FAM120B: variants seen among roughly 807,000 people sequenced by gnomAD.
FAM120B encodes constitutive coactivator of peroxisome proliferator-activated receptor gamma.
FAM120B carries 83 observed loss-of-function variants against 96.3 expected under a neutral mutation model. The observed-to-expected ratio is 0.86, with a 90% confidence interval of 0.72 to 1.03. The LOEUF (loss-of-function observed/expected upper bound fraction) is 1.03, where lower values mean the gene tolerates loss of function less well. FAM120B is among the 50% of genes least tolerant of loss of function. The pLI, the probability that FAM120B is intolerant of heterozygous loss-of-function variation, is 0.00. For missense variants in FAM120B, 1,027 were observed against 1,121.2 expected, an observed-to-expected ratio of 0.92 and a Z score of 1.20; for synonymous variants, 407 against 402.7, an observed-to-expected ratio of 1.01 and a Z score of -0.13.
chr6:170,401,580 A>G (rs942087309), intron 9 of FAM120B, among the ~76,000 whole-genome samples: 18 of 152,206 alleles, frequency 1.2e-4, no homozygotes, highest in African/African-American at 4.3e-4. Context: ...CACCGCCAGT[A>G]TCTCCAGGAG....
chr6:170,348,393 T>C, intron 5 of FAM120B, 70 bp downstream of exon 5: 1 of 1,406,548 alleles, frequency 7.1e-7, no homozygotes, highest in Non-Finnish European at 9.9e-7. Flanking sequence ...ATGTGGGATA[T>C]TGCCATGGCT....
upstream of FAM120B, among the ~76,000 whole-genome samples, chr6:170,302,063 C>T (rs762341997): frequency 1.3e-5 from 2 of 152,178 alleles, no homozygotes; most frequent in Non-Finnish European, 2.9e-5. Flanking sequence ...TACCAATTTG[C>T]TGTATTAGTC....
intron 1 of FAM120B, among the ~76,000 whole-genome samples, chr6:170,313,873 G>A (rs1016694556): frequency 1.3e-5 from 2 of 152,202 alleles, no homozygotes; most frequent in East Asian, 3.9e-4. Flanking sequence ...TGGTTGTCCC[G>A]CAGAGGCTGC....
chr6:170,330,842 C>T (rs141915121), intron 4 of FAM120B: 210 of 359,410 alleles, frequency 5.8e-4, no homozygotes, highest in African/African-American at 4.1e-3. Context: ...GAAGGATGGC[C>T]GTGGTCAGCG....
At chr6:170,333,820 A>G (rs945933634) in intron 4 of FAM120B, among the ~76,000 whole-genome samples, 17 of 152,200 alleles carry the variant, frequency 1.1e-4, no homozygotes, top group Non-Finnish European at 2.4e-4. Flanking sequence ...ATGTGGGAGC[A>G]TGTATATAGG....
At chr6:170,395,437 G>T in intron 8 of FAM120B, 50 bp from the exon 9 acceptor site, 2 of 1,402,130 alleles carry the variant, frequency 1.4e-6, no homozygotes, top group Non-Finnish European at 2.0e-6. Flanking sequence ...GTGTCATTTG[G>T]GTTAAGACAT....
Position 170,404,540 on chromosome 6 carries a change from T to C in FAM120B, c.2693-10T>C, listed in dbSNP as rs750997979. 1.9e-5 allele frequency: 30 copies of C among 1,613,282 alleles called. No homozygotes were observed. In the South Asian group the frequency reaches 3.0e-4, roughly 16 times the overall value. ...ATTCTTACTTTGGTTTTCATGTCTG[T>C]TTACTGCAGGAAGCAGACAGTATGA... On this transcript the variant is annotated splice_polypyrimidine_tract_variant and intron_variant, in intron 9 of 10. Transcript: ENST00000476287.
At chr6:170,383,036 C>T (rs1463948033) in intron 6 of FAM120B, among the ~76,000 whole-genome samples, 1 of 150,120 alleles carries the variant, frequency 6.7e-6, no homozygotes, top group Non-Finnish European at 1.5e-5. Context: ...AAAAGCAACT[C>T]ATTGGAGGAA....
At chr6:170,340,119 G>A (rs999459004) in intron 4 of FAM120B, among the ~76,000 whole-genome samples, 3 of 152,020 alleles carry the variant, frequency 2.0e-5, no homozygotes, top group Admixed American at 6.6e-5. Context: ...ATCTCTTTCC[G>A]GTACACCAGT....
At chr6:170,344,701 G>A (rs934689921) in intron 4 of FAM120B, among the ~76,000 whole-genome samples, 1 of 152,166 alleles carries the variant, frequency 6.6e-6, no homozygotes, top group Non-Finnish European at 1.5e-5. Context: ...TAATCGTTGC[G>A]TGGATCCATT....
intron 8 of FAM120B, among the ~76,000 whole-genome samples, chr6:170,393,302 G>A (rs998613023): frequency 6.6e-6 from 1 of 152,168 alleles, no homozygotes; most frequent in Non-Finnish European, 1.5e-5. Context: ...CGTGGCGGTT[G>A]TCAGGCCAAA....
intron 2 of FAM120B, among the ~76,000 whole-genome samples, chr6:170,321,512 G>A (rs1409528832): frequency 1.3e-5 from 2 of 152,084 alleles, no homozygotes; most frequent in Non-Finnish European, 1.5e-5. Context: ...TGAGTAGCTG[G>A]GACTACAGGT....
chr6:170,384,028 G>A (rs897909132), intron 6 of FAM120B, among the ~76,000 whole-genome samples: 2 of 152,166 alleles, frequency 1.3e-5, no homozygotes, highest in Admixed American at 6.5e-5. Context: ...GAGTAAAAAA[G>A]CCAATCCCAA....
upstream of FAM120B, among the ~76,000 whole-genome samples, chr6:170,301,789 T>C (rs1784147342): frequency 6.6e-6 from 1 of 152,228 alleles, no homozygotes; most frequent in South Asian, 2.1e-4. Flanking sequence ...CATCTCCATC[T>C]AAGACCATCT....
At chr6:170,296,586 G>C (rs1361937451) in intron 1 of FAM120B, among the ~76,000 whole-genome samples, 1 of 151,730 alleles carries the variant, frequency 6.6e-6, no homozygotes, top group African/African-American at 2.4e-5. Flanking sequence ...GCCCGGCCCC[G>C]GGCTGTGCGA....
At chr6:170,369,008 C>G (rs1788998602) in intron 6 of FAM120B, among the ~76,000 whole-genome samples, 1 of 151,642 alleles carries the variant, frequency 6.6e-6, no homozygotes, top group Non-Finnish European at 1.5e-5. Context: ...GGGATTTAGC[C>G]TTCAGCATAA....
At chr6:170,329,932 C>T (rs1583211028) in intron 3 of FAM120B, among the ~76,000 whole-genome samples, 1 of 152,180 alleles carries the variant, frequency 6.6e-6, no homozygotes, top group East Asian at 1.9e-4. Flanking sequence ...CTGATGATCA[C>T]CTTTGTGCTG....
rs577572320 is a variant in FAM120B at position 170,363,327 on chromosome 6, A to G, written c.2283+5009A>G. On this transcript the variant is annotated intron_variant, in intron 6 of 10. Transcript: ENST00000476287. This position sits in a 1 kb window ranked among gnomAD's most constrained non-coding sequence, Gnocchi z 4.5. Reference sequence around the variant, plus strand: ...GTGAGTTGATGAAAGATAAAATTTTACTATAAAATTCAAGCCATCTTCTTA... The same window carrying G: ...GTGAGTTGATGAAAGATAAAATTTTGCTATAAAATTCAAGCCATCTTCTTA... 1.3e-5 allele frequency among the ~76,000 whole-genome samples: 2 copies of G among 152,372 alleles called. No individual in the cohort carries two copies. Among genetic ancestry groups the G allele is most frequent in the South Asian group, 2.1e-4 (1 of 4,832 alleles).
intron 5 of FAM120B, among the ~76,000 whole-genome samples, chr6:170,353,422 C>T (rs1787704841): frequency 6.6e-6 from 1 of 152,148 alleles, no homozygotes; most frequent in Non-Finnish European, 1.5e-5. Flanking sequence ...CATCCTGATA[C>T]CAAAACCTGG....
Sources: allele counts gnomAD v4.1 joint callset (sites outside exome capture counted in the v4.1 genomes callset), GRCh38; gene constraint gnomAD v4.1.1; non-coding constraint Gnocchi (gnomAD v3.1); transcripts MANE v1.5; gene names NCBI Gene and HGNC (gene_info 2026-07-23, HGNC 2026-07-21).